GIGYF2: variants seen among roughly 807,000 people sequenced by gnomAD.
GIGYF2 encodes GRB10 interacting GYF protein 2, also known as GRB10-interacting GYF protein 2.
A neutral mutation model predicts 208.1 loss-of-function variants in GIGYF2; 25 were observed. That is an observed-to-expected ratio of 0.12 (90% CI 0.09 to 0.17). The LOEUF (loss-of-function observed/expected upper bound fraction) is 0.17. Among genes scored for constraint, GIGYF2 ranks in the 10% least tolerant of loss-of-function variants. The pLI is 1.00. For missense variants in GIGYF2, 1,302 were observed against 1,579.4 expected (o/e 0.82, Z 2.98); for synonymous variants, 534 against 543.8 (o/e 0.98, Z 0.25).
intron 1 of GIGYF2, among the ~76,000 whole-genome samples, chr2:232,701,089 A>G (rs563522419): frequency 1.1e-4 from 16 of 152,244 alleles, no homozygotes; most frequent in African/African-American, 3.8e-4. Context: ...AATTGCCTAT[A>G]GTTTTGTGTG....
chr2:232,856,240 T>C (rs1273484873), intron 28 of GIGYF2, among the ~76,000 whole-genome samples: 2 of 152,194 alleles, frequency 1.3e-5, no homozygotes, highest in East Asian at 1.9e-4. Flanking sequence ...CCTGCAGTTC[T>C]TTTTAATTGG....
chr2:232,737,329 T>C (rs1697774924), intron 3 of GIGYF2, among the ~76,000 whole-genome samples: 1 of 152,204 alleles, frequency 6.6e-6, no homozygotes, highest in Non-Finnish European at 1.5e-5. Flanking sequence ...AAAATTTGAA[T>C]TGAGGTAGCC....
intron 22 of GIGYF2, among the ~76,000 whole-genome samples, chr2:232,834,928 T>G (rs1440258983): frequency 6.6e-6 from 1 of 152,226 alleles, no homozygotes; most frequent in Non-Finnish European, 1.5e-5. Flanking sequence ...GTCCAGGCTT[T>G]TCGTGTACTT....
chr2:232,724,280 A>G (rs965963156), intron 2 of GIGYF2, among the ~76,000 whole-genome samples: 1 of 147,960 alleles, frequency 6.8e-6, no homozygotes, highest in Admixed American at 6.8e-5. Flanking sequence ...CTGGTCTTGA[A>G]CACCTGACCT....
rs988451373 is a variant in GIGYF2, at chr2:232,727,871, C to T, written c.-43-7284C>T. Among the ~76,000 whole-genome samples the T allele has an allele frequency of 3.9e-5, 6 of 152,310 alleles. No individual in the cohort carries two copies. The East Asian group carries it at 7.7e-4, about 20-fold the overall frequency. The stretch of plus-strand genomic sequence containing the variant: ...TCCTCAGTCAAGCACCTTGCACTTA[C>T]TTTGTTCAAAACCATCCTCGTTATC... On this transcript the variant is annotated intron_variant, in intron 2 of 28. Coordinates refer to ENST00000373563, the MANE Select transcript of GIGYF2 (RefSeq NM_001103146.3).
intron 23 of GIGYF2, among the ~76,000 whole-genome samples, chr2:232,841,079 A>G (rs1701800383): frequency 6.6e-6 from 1 of 152,262 alleles, no homozygotes; most frequent in Non-Finnish European, 1.5e-5. Flanking sequence ...TAAGAAAAAA[A>G]AAAAAAAGAA....
intron 1 of GIGYF2, chr2:232,698,161 C>T (rs1365798925): frequency 6.6e-6 from 1 of 152,224 alleles, no homozygotes; most frequent in Non-Finnish European, 1.5e-5. Context: ...GGAATGGGGG[C>T]ATGAAAGAAG....
intron 22 of GIGYF2, among the ~76,000 whole-genome samples, chr2:232,833,363 G>C (rs1701484013): frequency 2.0e-5 from 3 of 152,092 alleles, no homozygotes; most frequent in Admixed American, 6.5e-5. Context: ...TGAGACTACA[G>C]GCATGCCCCA....
At chr2:232,793,715 T>G (rs1170719534) in intron 12 of GIGYF2, among the ~76,000 whole-genome samples, 5 of 152,084 alleles carry the variant, frequency 3.3e-5, no homozygotes, top group African/African-American at 1.2e-4. Context: ...AAAAGAACTT[T>G]GAGTAATTCC....
At chr2:232,746,297 G>A (rs1021066587) in intron 3 of GIGYF2, among the ~76,000 whole-genome samples, 2 of 151,648 alleles carry the variant, frequency 1.3e-5, no homozygotes, top group African/African-American at 4.8e-5. Context: ...TTTTAATAAT[G>A]TGCACATATT....
intron 2 of GIGYF2, among the ~76,000 whole-genome samples, chr2:232,715,456 A>AT (rs556368345): frequency 2.3e-4 from 35 of 152,190 alleles, no homozygotes; most frequent in African/African-American, 6.5e-4. Flanking sequence ...AGTATCTGTA[A>AT]TTTTTTTGAA....
chr2:232,812,320 T>G, intron 17 of GIGYF2, 71 bp from the exon 18 acceptor site: 1 of 752,286 alleles, frequency 1.3e-6, no homozygotes, highest in Non-Finnish European at 2.4e-6. Context: ...AATCTAGAAA[T>G]TCCTCTTCAT....
intron 17 of GIGYF2, among the ~76,000 whole-genome samples, chr2:232,812,173 T>C (rs1700753086): frequency 6.6e-6 from 1 of 152,182 alleles, no homozygotes; most frequent in Admixed American, 6.5e-5. Flanking sequence ...TAGAAGTCAA[T>C]ATGTATTACC....
intron 2 of GIGYF2, among the ~76,000 whole-genome samples, chr2:232,727,957 GA>G (rs1270622542): frequency 6.6e-6 from 1 of 152,054 alleles, no homozygotes; most frequent in African/African-American, 2.4e-5. Context: ...ATACACATTT[GA>G]AAAATACCCG....
At chr2:232,704,923 G>A (rs930077285) in intron 2 of GIGYF2, among the ~76,000 whole-genome samples, 3 of 140,770 alleles carry the variant, frequency 2.1e-5, no homozygotes, top group Non-Finnish European at 3.0e-5. Flanking sequence ...GCAGTGGCGC[G>A]ATCTCTGCTC....
chr2:232,836,320 A>ACT lies in GIGYF2; in HGVS notation c.2766+3227_2766+3228insCT, dbSNP rs1701619753. Among the ~76,000 whole-genome samples the ACT allele has an allele frequency of 4.5e-4, 12 of 26,506 alleles. 3 individuals are homozygous for ACT. The highest frequency in any genetic ancestry group is 9.5e-4 in the South Asian group (1 of 1,054). The allele number at this position is 26,506 out of a possible 152,430, so 17.4% of individuals were successfully genotyped here. On this transcript the variant is annotated intron_variant, in intron 22 of 28. Coordinates refer to ENST00000373563, the MANE Select transcript of GIGYF2 (RefSeq NM_001103146.3). ...TATATATATATATATATATATATAT[A>ACT]TATATATATACATATATATACTTAT... is the stretch of plus-strand genomic sequence containing the variant.
intron 21 of GIGYF2, 125 bp from the exon 22 acceptor site, chr2:232,832,732 T>C (rs1701461111): frequency 2.8e-6 from 2 of 711,002 alleles, no homozygotes; most frequent in Non-Finnish European, 4.8e-6. Context: ...TGCATCATCA[T>C]GAACAGAGTT....
intron 21 of GIGYF2, among the ~76,000 whole-genome samples, chr2:232,824,504 G>A (rs1701189996): frequency 6.6e-6 from 1 of 152,188 alleles, no homozygotes; most frequent in Non-Finnish European, 1.5e-5. Flanking sequence ...GCCTAATCCA[G>A]AACAAGGCCT....
At chr2:232,850,129 A>G (rs990056993) in intron 27 of GIGYF2, 133 bp from the exon 28 acceptor site, 1 of 805,408 alleles carries the variant, frequency 1.2e-6, no homozygotes, top group East Asian at 2.5e-5. Flanking sequence ...TTATTAGAAC[A>G]TGTGATGAAA....
Sources: allele counts gnomAD v4.1 joint callset (sites outside exome capture counted in the v4.1 genomes callset), GRCh38; gene constraint gnomAD v4.1.1; transcripts MANE v1.5; gene names NCBI Gene and HGNC (gene_info 2026-07-23, HGNC 2026-07-21).